UTRN: variants seen among roughly 807,000 people sequenced by gnomAD.
UTRN encodes the protein utrophin.
A neutral mutation model predicts 463.9 loss-of-function variants in UTRN; 283 were observed. That is an observed-to-expected ratio of 0.61 (90% CI 0.55 to 0.67). The LOEUF (loss-of-function observed/expected upper bound fraction) is 0.67, where lower values mean the gene tolerates loss of function less well. Among genes scored for constraint, UTRN ranks in the 30% least tolerant of loss-of-function variants. UTRN has a pLI of 0.00. For synonymous variants in UTRN, 1,442 were observed against 1,431.5 expected (o/e 1.01, Z -0.17); for missense variants, 3,922 against 4,084.3 (o/e 0.96, Z 1.08).
intron 52 of UTRN, among the ~76,000 whole-genome samples, chr6:144,699,179 C>T (rs1586085376): frequency 6.6e-6 from 1 of 152,150 alleles, no homozygotes; most frequent in Non-Finnish European, 1.5e-5. Flanking sequence ...GTGGCTCACA[C>T]CTGTAATCCC....
intron 73 of UTRN, among the ~76,000 whole-genome samples, chr6:144,845,273 A>G (rs1781920999): frequency 6.6e-6 from 1 of 152,154 alleles, no homozygotes; most frequent in South Asian, 2.1e-4. Context: ...TGCAGTAACT[A>G]TTTTTATTTT....
At chr6:144,628,442 A>T (rs1776169382) in intron 51 of UTRN, among the ~76,000 whole-genome samples, 1 of 152,074 alleles carries the variant, frequency 6.6e-6, no homozygotes, top group South Asian at 2.1e-4. Context: ...AGTGCTTAAA[A>T]CTTCCACCAG....
At chr6:144,668,794 CA>C (rs761845609) in intron 51 of UTRN, among the ~76,000 whole-genome samples, 1 of 151,308 alleles carries the variant, frequency 6.6e-6, no homozygotes, top group Non-Finnish European at 1.5e-5. Context: ...GTTAGGGGTT[CA>C]AAAAAAAGAA....
rs910360636 is a variant in UTRN at position 144,798,010 on chromosome 6, G to T, written c.9245+20G>T. ...GTTCAGGTAAGGCGTGCCAGTGCTG[G>T]AGGAGGCTATTTTCTGTTTCCTTTG... is the stretch of plus-strand genomic sequence containing the variant. On this transcript the variant is annotated intron_variant, in intron 64 of 74. Transcript: ENST00000367545. 2 of 1,613,652 alleles carry T rather than the reference G, an allele frequency of 1.2e-6. No individual in the cohort carries two copies. The highest frequency in any genetic ancestry group is 1.7e-6 in the Non-Finnish European group (2 of 1,179,880).
At chr6:144,737,074 G>T (rs1490179008) in intron 54 of UTRN, among the ~76,000 whole-genome samples, 2 of 152,172 alleles carry the variant, frequency 1.3e-5, no homozygotes, top group Non-Finnish European at 1.5e-5. Context: ...TGTGTCTGAA[G>T]CTTGGCCCTT....
intron 53 of UTRN, among the ~76,000 whole-genome samples, chr6:144,721,645 C>T (rs1787185958): frequency 1.3e-5 from 2 of 152,158 alleles, no homozygotes; most frequent in African/African-American, 4.8e-5. Flanking sequence ...ATATCTACTA[C>T]AGGCTGAGCA....
intron 7 of UTRN, among the ~76,000 whole-genome samples, chr6:144,428,133 A>G (rs137899585): frequency 6.6e-6 from 1 of 152,212 alleles, no homozygotes; most frequent in Non-Finnish European, 1.5e-5. Context: ...GATAAGTCAA[A>G]GCAACAATAA....
intron 51 of UTRN, among the ~76,000 whole-genome samples, chr6:144,648,640 A>C (rs1778509262): frequency 6.6e-6 from 1 of 152,206 alleles, no homozygotes; most frequent in Non-Finnish European, 1.5e-5. Context: ...AGTTAAGATG[A>C]GTGCAGATCT....
At chr6:144,500,554 A>G (rs375242062) in intron 34 of UTRN, among the ~76,000 whole-genome samples, 9 of 152,230 alleles carry the variant, frequency 5.9e-5, no homozygotes, top group African/African-American at 1.4e-4. Flanking sequence ...TTATTTTTAT[A>G]TAGTACTTAA....
intron 2 of UTRN, among the ~76,000 whole-genome samples, chr6:144,391,215 G>A (rs1243738019): frequency 6.6e-6 from 1 of 151,986 alleles, no homozygotes. Context: ...GGTACTACAG[G>A]CATGTACCAC....
intron 62 of UTRN, 72 bp from the exon 63 acceptor site, chr6:144,793,761 AT>A: frequency 6.5e-7 from 1 of 1,547,510 alleles, no homozygotes; most frequent in East Asian, 2.3e-5. Flanking sequence ...TTCAGTCCAC[AT>A]TACCAAAGAT....
At chr6:144,635,529 T>G (rs1777060970) in intron 51 of UTRN, among the ~76,000 whole-genome samples, 1 of 74,514 alleles carries the variant, frequency 1.3e-5, no homozygotes, top group Admixed American at 1.7e-4. Context: ...TTTTTTTTTT[T>G]CTTTTCTTTT....
intron 53 of UTRN, among the ~76,000 whole-genome samples, chr6:144,717,475 C>T (rs1786590409): frequency 6.6e-6 from 1 of 152,052 alleles, no homozygotes; most frequent in Non-Finnish European, 1.5e-5. Context: ...CTGGAAGAAA[C>T]CGGTTCACAA....
chr6:144,600,841 A>T (rs13191597), intron 51 of UTRN, among the ~76,000 whole-genome samples: 1 of 152,068 alleles, frequency 6.6e-6, no homozygotes, highest in African/African-American at 2.4e-5. Context: ...TCAGTGCTTA[A>T]CTTCGAAGCT....
intron 2 of UTRN, among the ~76,000 whole-genome samples, chr6:144,376,284 G>A (rs1227822122): frequency 1.3e-5 from 2 of 151,968 alleles, no homozygotes; most frequent in African/African-American, 2.4e-5. Context: ...GTGAAACCTG[G>A]TGTCTACTAA....
At chr6:144,735,030 T>C (rs1789214139) in intron 54 of UTRN, among the ~76,000 whole-genome samples, 1 of 152,200 alleles carries the variant, frequency 6.6e-6, no homozygotes, top group Admixed American at 6.5e-5. Context: ...AAGTGCTTAT[T>C]ACATAGTGTT....
chr6:144,315,085 T>C lies in UTRN; in HGVS notation c.79+23178T>C, dbSNP rs1251085908. On this transcript the variant is annotated intron_variant, in intron 2 of 74. Transcript: ENST00000367545. ...GGCCAGGACCCAGGGCCTGGGCACT[T>C]AGTGGGCTATAAGAGTTTCTAATTT... Among the ~76,000 whole-genome samples the C allele has an allele frequency of 2.0e-5, 3 of 152,114 alleles. 1 individual carries two copies. The highest frequency in any genetic ancestry group is 4.4e-5 in the Non-Finnish European group (3 of 68,012).
chr6:144,336,847 C>T (rs569015028), intron 2 of UTRN, among the ~76,000 whole-genome samples: 2 of 152,164 alleles, frequency 1.3e-5, no homozygotes, highest in East Asian at 3.9e-4. Flanking sequence ...GCCTTCATTC[C>T]TGCCACTACA....
intron 53 of UTRN, among the ~76,000 whole-genome samples, chr6:144,706,295 CTTTA>C (rs909315959): frequency 4.0e-5 from 6 of 149,864 alleles, no homozygotes; most frequent in African/African-American, 1.5e-4. Context: ...CAGGAAAAGT[CTTTA>C]TTTAGTGTAT....
Sources: gnomAD v4.1 joint callset for allele counts (sites outside exome capture counted in the v4.1 genomes callset) on GRCh38, gnomAD v4.1.1 for gene constraint, MANE v1.5 for transcripts, NCBI Gene and HGNC (gene_info 2026-07-23, HGNC 2026-07-21) for gene names.